The following MCTP1 variants were observed in gnomAD, a reference collection of about 807,000 sequenced individuals.
MCTP1 encodes the protein multiple C2 and transmembrane domain-containing protein 1.
MCTP1 carries 69 observed loss-of-function variants against 120.6 expected under a neutral mutation model. The ratio of observed to expected loss-of-function variants is 0.57; its 90% confidence interval spans 0.47 to 0.70. The LOEUF is 0.70. MCTP1 is among the 30% of genes least tolerant of loss of function. The pLI is 0.00. For synonymous variants in MCTP1, 529 were observed against 493.1 expected (o/e 1.07, Z -0.96); for missense variants, 1,203 against 1,248.8 (o/e 0.96, Z 0.55).
intron 1 of MCTP1, among the ~76,000 whole-genome samples, chr5:95,079,088 G>T (rs148267298): frequency 2.5e-4 from 38 of 152,196 alleles, no homozygotes; most frequent in Admixed American, 7.2e-4. Context: ...TGACTAATTT[G>T]AGTATCTCAA....
At chr5:95,000,686 C>A (rs927372118) in intron 2 of MCTP1, among the ~76,000 whole-genome samples, 4 of 151,830 alleles carry the variant, frequency 2.6e-5, no homozygotes, top group African/African-American at 7.3e-5. Flanking sequence ...TGACAAGACT[C>A]AAAAAATTCT....
At chr5:95,257,796 T>TACACATACACAC (rs1554239324) in intron 1 of MCTP1, among the ~76,000 whole-genome samples, 1 of 125,366 alleles carries the variant, frequency 8.0e-6, no homozygotes, top group Non-Finnish European at 1.7e-5. Flanking sequence ...CCAGAAAACA[T>TACACATACACAC]ACACACACAC....
intron 10 of MCTP1, among the ~76,000 whole-genome samples, chr5:94,904,526 TAGTA>T (rs1437729082): frequency 6.6e-6 from 1 of 152,232 alleles, no homozygotes; most frequent in African/African-American, 2.4e-5. Flanking sequence ...TGAAAAGTTA[TAGTA>T]AGTGTCTTGG....
At chr5:94,793,920 G>A (rs1175744289) in intron 18 of MCTP1, among the ~76,000 whole-genome samples, 1 of 152,212 alleles carries the variant, frequency 6.6e-6, no homozygotes, top group African/African-American at 2.4e-5. Context: ...GTAGAGATAA[G>A]TGCTCTGGTT....
intron 1 of MCTP1, among the ~76,000 whole-genome samples, chr5:95,282,933 A>G (rs1228983425): frequency 1.3e-5 from 2 of 152,276 alleles, no homozygotes; most frequent in African/African-American, 4.8e-5. Flanking sequence ...AATTAATCAG[A>G]GTCAAAACAA....
Position 95,216,695 on chromosome 5 carries a change from AT to A in MCTP1, c.720+67160del, listed in dbSNP as rs147631540. 8.1e-3 allele frequency among the ~76,000 whole-genome samples: 1,232 copies of A among 152,298 alleles called. 19 individuals carry two copies. The highest frequency in any genetic ancestry group is 0.027 in the African/African-American group (1,104 of 41,564). ...GAGAAGTGAAATGGCAAAATTATAA[AT>A]TCTTGTTATAAACACACTGTCATAC... is the stretch of plus-strand genomic sequence containing the variant. On this transcript the variant is annotated intron_variant, in intron 1 of 22. Coordinates refer to ENST00000515393, the MANE Select transcript of MCTP1 (RefSeq NM_024717.7).
intron 19 of MCTP1, among the ~76,000 whole-genome samples, chr5:94,768,555 C>T (rs981712160): frequency 2.0e-5 from 3 of 152,024 alleles, no homozygotes; most frequent in Non-Finnish European, 2.9e-5. Flanking sequence ...CCCAAATAAT[C>T]CAATTAAAAA....
intron 2 of MCTP1, among the ~76,000 whole-genome samples, chr5:94,973,743 G>A (rs465671): frequency 0.057 from 8,705 of 152,068 alleles, 317 homozygotes; most frequent in African/African-American, 0.092. Context: ...ATAATTAAAA[G>A]GTATGAGATT....
chr5:95,187,583 G>A (rs1749355564), intron 1 of MCTP1, among the ~76,000 whole-genome samples: 1 of 152,098 alleles, frequency 6.6e-6, no homozygotes, highest in Admixed American at 6.6e-5. Flanking sequence ...GATATTTTTA[G>A]TAGAGATAGG....
At chr5:95,178,610 T>C (rs1748278252) in intron 1 of MCTP1, among the ~76,000 whole-genome samples, 1 of 151,852 alleles carries the variant, frequency 6.6e-6, no homozygotes, top group South Asian at 2.1e-4. Context: ...GGAAGCCCCA[T>C]CCCTAGGGGA....
At chr5:95,119,115 AAGAC>A (rs1324963110) in intron 1 of MCTP1, among the ~76,000 whole-genome samples, 2 of 152,252 alleles carry the variant, frequency 1.3e-5, no homozygotes, top group African/African-American at 4.8e-5. Context: ...ATCATTCTCA[AAGAC>A]AGACCATATG....
chr5:95,040,371 G>A (rs1842127586), intron 1 of MCTP1, among the ~76,000 whole-genome samples: 1 of 151,686 alleles, frequency 6.6e-6, no homozygotes, highest in Non-Finnish European at 1.5e-5. Context: ...CTGAGAGGCG[G>A]AAGGTTGCAG....
intron 19 of MCTP1, among the ~76,000 whole-genome samples, chr5:94,721,177 C>A (rs931396950): frequency 2.2e-4 from 33 of 152,196 alleles, no homozygotes; most frequent in Admixed American, 1.5e-3. Flanking sequence ...AAATCTTGAG[C>A]AAGAGAATGA....
chr5:95,058,115 T>C (rs911784596), intron 1 of MCTP1, among the ~76,000 whole-genome samples: 6 of 152,226 alleles, frequency 3.9e-5, no homozygotes, highest in Admixed American at 3.3e-4. Flanking sequence ...GCTATTCATA[T>C]TCTAATGGGA....
At chr5:94,894,880 T>TC (rs755978156) in intron 10 of MCTP1, 45 bp from the exon 11 acceptor site, 14 of 1,347,668 alleles carry the variant, frequency 1.0e-5, no homozygotes, top group African/African-American at 1.5e-5. Flanking sequence ...TTTTTTTTTT[T>TC]TTGCCATATC....
At chr5:95,242,611 C>T (rs74906966) in intron 1 of MCTP1, among the ~76,000 whole-genome samples, 1 of 152,138 alleles carries the variant, frequency 6.6e-6, no homozygotes, top group Non-Finnish European at 1.5e-5. Flanking sequence ...AAAATTATTA[C>T]ACTGAGTGAT....
At chr5:94,884,693 C>G (rs1800878976) in intron 12 of MCTP1, among the ~76,000 whole-genome samples, 2 of 152,026 alleles carry the variant, frequency 1.3e-5, no homozygotes, top group Non-Finnish European at 2.9e-5. Flanking sequence ...CCACAGACAG[C>G]AAAACAAAAT....
chr5:94,811,696 C>T (rs1053124999), intron 17 of MCTP1, among the ~76,000 whole-genome samples: 2 of 152,152 alleles, frequency 1.3e-5, no homozygotes, highest in African/African-American at 4.8e-5. Context: ...TCAAATTAGT[C>T]CGCAAAACAG....
chr5:94,717,291 G>T (rs1305220463), intron 19 of MCTP1, among the ~76,000 whole-genome samples: 1 of 152,080 alleles, frequency 6.6e-6, no homozygotes, highest in Non-Finnish European at 1.5e-5. Flanking sequence ...TATTTCAATA[G>T]ACGCGAAAAA....
Sources: allele counts gnomAD v4.1 joint callset (sites outside exome capture counted in the v4.1 genomes callset), GRCh38; gene constraint gnomAD v4.1.1; transcripts MANE v1.5; gene names NCBI Gene and HGNC (gene_info 2026-07-23, HGNC 2026-07-21).